THEMIS: variants seen among roughly 807,000 people sequenced by gnomAD.
The protein encoded by THEMIS is protein THEMIS.
A neutral mutation model predicts 52.6 loss-of-function variants in THEMIS; 37 were observed. That is an observed-to-expected ratio of 0.70 (90% CI 0.54 to 0.93). The LOEUF (loss-of-function observed/expected upper bound fraction) is 0.93. Among genes scored for constraint, THEMIS ranks in the 40% least tolerant of loss-of-function variants. The probability of loss-of-function intolerance (pLI) is 0.00; values close to 1 mark genes in which losing one functional copy is unlikely to be tolerated. For missense variants in THEMIS, 808 were observed against 763.1 expected, an observed-to-expected ratio of 1.06 and a Z score of -0.69; for synonymous variants, 292 against 272.7, an observed-to-expected ratio of 1.07 and a Z score of -0.70.
chr6:127,699,028 G>C, the THEMIS span, among the ~76,000 whole-genome samples: 9 of 142,910 alleles, frequency 6.3e-5, no homozygotes, highest in Admixed American at 5.5e-4. Flanking sequence ...TACAAACCTA[G>C]TATCTCCACT....
At chr6:127,759,860 T>G in intron 4 of THEMIS, among the ~76,000 whole-genome samples, 1 of 95,208 alleles carries the variant, frequency 1.1e-5, no homozygotes, top group Admixed American at 1.3e-4. Context: ...CCCTCCCTCC[T>G]TCCTTCCTTC....
chr6:127,840,627 A>G (rs1583337923), intron 2 of THEMIS, among the ~76,000 whole-genome samples: 1 of 152,234 alleles, frequency 6.6e-6, no homozygotes, highest in East Asian at 1.9e-4. Context: ...CGGGTTCTTT[A>G]TCTTCACACA....
At chr6:127,855,764 C>T (rs186631764) in intron 1 of THEMIS, among the ~76,000 whole-genome samples, 21 of 151,906 alleles carry the variant, frequency 1.4e-4, no homozygotes, top group Non-Finnish European at 2.5e-4. Context: ...AGGGGGCAGA[C>T]CAACCCAGAT....
intron 5 of THEMIS, 78 bp from the exon 6 acceptor site, chr6:127,710,094 CT>C: frequency 2.1e-6 from 2 of 972,624 alleles, no homozygotes; most frequent in Non-Finnish European, 3.0e-6. Context: ...CTTTCAAATA[CT>C]GTCGACACTC....
chr6:127,697,422 C>T, the THEMIS span, among the ~76,000 whole-genome samples: 9 of 152,132 alleles, frequency 5.9e-5, no homozygotes, highest in African/African-American at 1.9e-4. Flanking sequence ...CTCTTCCTCA[C>T]GTATATTGTA....
chr6:127,803,781 T>C (rs995556363), intron 4 of THEMIS, among the ~76,000 whole-genome samples: 2 of 152,176 alleles, frequency 1.3e-5, no homozygotes, highest in Non-Finnish European at 2.9e-5. Context: ...TAAGCCTACA[T>C]TCATCAGAAT....
intron 1 of THEMIS, among the ~76,000 whole-genome samples, chr6:127,868,057 C>T (rs1176911214): frequency 3.9e-5 from 6 of 152,010 alleles, no homozygotes; most frequent in Non-Finnish European, 8.8e-5. Context: ...GATTTGTGAC[C>T]TCAGGTAATT....
At chr6:127,843,839 C>A (rs1161657953) in intron 2 of THEMIS, among the ~76,000 whole-genome samples, 4 of 151,908 alleles carry the variant, frequency 2.6e-5, no homozygotes, top group African/African-American at 4.8e-5. Context: ...ATGGAGAGGA[C>A]CATGTGGTAA....
intron 4 of THEMIS, among the ~76,000 whole-genome samples, chr6:127,812,368 C>T (rs1777936559): frequency 1.3e-5 from 2 of 152,164 alleles, no homozygotes; most frequent in Non-Finnish European, 2.9e-5. Context: ...TGGGCAGATG[C>T]TCACATTCTC....
At chr6:127,701,700 G>A in the THEMIS span, among the ~76,000 whole-genome samples, 1 of 151,952 alleles carries the variant, frequency 6.6e-6, no homozygotes, top group Non-Finnish European at 1.5e-5. Flanking sequence ...TCTTCAAAAC[G>A]TTCATTTTTT....
chr6:127,744,140 T>C (rs776671139), intron 4 of THEMIS, among the ~76,000 whole-genome samples: 42 of 152,076 alleles, frequency 2.8e-4, no homozygotes, highest in Non-Finnish European at 5.1e-4. Context: ...CTGTCTTTAT[T>C]GGGTTTACCA....
the THEMIS span, among the ~76,000 whole-genome samples, chr6:127,698,252 GT>G: frequency 3.9e-5 from 6 of 152,042 alleles, no homozygotes; most frequent in African/African-American, 1.4e-4. Context: ...TTTTAACAAT[GT>G]TTAGGTTTTT....
At chr6:127,904,975 T>A (rs1781233077), upstream of THEMIS, among the ~76,000 whole-genome samples, 1 of 152,090 alleles carries the variant, frequency 6.6e-6, no homozygotes, top group African/African-American at 2.4e-5. Flanking sequence ...TCTCTATCTA[T>A]CTATCTCTGT....
chr6:127,741,977 A>G (rs987124935), intron 4 of THEMIS, among the ~76,000 whole-genome samples: 1 of 152,172 alleles, frequency 6.6e-6, no homozygotes, highest in African/African-American at 2.4e-5. Context: ...GATATGAGCC[A>G]TTGTGGAAAA....
chr6:127,712,168 A>G (rs904855641), intron 5 of THEMIS, among the ~76,000 whole-genome samples: 1 of 151,960 alleles, frequency 6.6e-6, no homozygotes, highest in East Asian at 1.9e-4. Context: ...AAGCTGATTT[A>G]AGATAGTACA....
At chr6:127,737,065 A>G (rs78438782) in intron 4 of THEMIS, among the ~76,000 whole-genome samples, 10,606 of 152,168 alleles carry the variant, frequency 0.07, 369 homozygotes, top group Non-Finnish European at 0.086. Flanking sequence ...ACCTTAATAA[A>G]GCAACCAGGA....
intron 4 of THEMIS, among the ~76,000 whole-genome samples, chr6:127,753,926 A>T (rs1324090461): frequency 6.6e-6 from 1 of 152,086 alleles, no homozygotes; most frequent in Non-Finnish European, 1.5e-5. Flanking sequence ...GATGATGATG[A>T]TGATGATAAT....
chr6:127,703,866 G>C (rs1006034133), downstream of THEMIS, among the ~76,000 whole-genome samples: 2 of 152,146 alleles, frequency 1.3e-5, no homozygotes, highest in Admixed American at 1.3e-4. Flanking sequence ...ATAAAGAACA[G>C]AAATTTATTG....
At chr6:127,751,482 GA>G (rs1415091537) in intron 4 of THEMIS, among the ~76,000 whole-genome samples, 1 of 151,624 alleles carries the variant, frequency 6.6e-6, no homozygotes, top group Non-Finnish European at 1.5e-5. Context: ...AGTAATCAAA[GA>G]AAGATATTCC....
Sources: gnomAD v4.1 joint callset for allele counts (sites outside exome capture counted in the v4.1 genomes callset) on GRCh38, gnomAD v4.1.1 for gene constraint, MANE v1.5 for transcripts, NCBI Gene and HGNC (gene_info 2026-07-23, HGNC 2026-07-21) for gene names.